OR3A2: variants seen among roughly 807,000 people sequenced by gnomAD.
OR3A2 encodes olfactory receptor family 3 subfamily A member 2.
For synonymous variants in OR3A2, 126 were observed against 159.3 expected (o/e 0.79, Z 1.57); for missense variants, 318 against 392.8 (o/e 0.81, Z 1.61).
chr17:3,364,454 C>T (rs2049546150), intron 2 of OR3A2, among the ~76,000 whole-genome samples: 2 of 152,172 alleles, frequency 1.3e-5, no homozygotes. Context: ...TTCCTCCTAA[C>T]TGAAATCTTG....
chr17:3,349,449 T>C (rs2150652729), intron 2 of OR3A2, among the ~76,000 whole-genome samples: 1 of 151,852 alleles, frequency 6.6e-6, no homozygotes, highest in African/African-American at 2.4e-5. Flanking sequence ...CATTACATAA[T>C]GGTAAAGGGA....
chr17:3,284,612 C>G (rs2048796277), upstream of OR3A2: 1 of 149,122 alleles, frequency 6.7e-6, no homozygotes, highest in East Asian at 1.9e-4. Flanking sequence ...GCCCTTCATA[C>G]TCATGGCAAC....
intron 3 of OR3A2, among the ~76,000 whole-genome samples, chr17:3,316,933 TTTG>T: frequency 6.6e-6 from 1 of 152,214 alleles, no homozygotes; most frequent in Non-Finnish European, 1.5e-5. Context: ...CTGTTCAAGT[TTTG>T]ATTCTTTATC....
intron 3 of OR3A2, among the ~76,000 whole-genome samples, chr17:3,294,643 C>A (rs1447946575): frequency 1.3e-5 from 2 of 152,024 alleles, no homozygotes; most frequent in Non-Finnish European, 2.9e-5. Flanking sequence ...TGGAGTATCA[C>A]TGAATATCAA....
chr17:3,283,026 CTT>C (rs1346210245), intron 1 of OR3A2, among the ~76,000 whole-genome samples: 6 of 144,202 alleles, frequency 4.2e-5, no homozygotes, highest in Non-Finnish European at 7.5e-5. Flanking sequence ...TCTTCTGTCT[CTT>C]TCTCTCTCTC....
intron 3 of OR3A2, among the ~76,000 whole-genome samples, chr17:3,304,140 G>T (rs1250086702): frequency 1.3e-5 from 2 of 152,180 alleles, no homozygotes; most frequent in East Asian, 3.9e-4. Context: ...CACAACCTGT[G>T]TGATGGCTGG....
upstream of OR3A2, among the ~76,000 whole-genome samples, chr17:3,288,887 T>A (rs2048838743): frequency 6.6e-6 from 1 of 152,198 alleles, no homozygotes. Context: ...TAAATACTAA[T>A]CTCAGTATTA....
intron 2 of OR3A2, among the ~76,000 whole-genome samples, chr17:3,380,173 G>C (rs540713128): frequency 2.8e-4 from 42 of 152,338 alleles, no homozygotes; most frequent in African/African-American, 1.0e-3. Flanking sequence ...TGGGTGAGCT[G>C]TGGAGGGCAG....
At chr17:3,297,314 A>G (rs1163324950) in intron 3 of OR3A2, among the ~76,000 whole-genome samples, 1 of 152,224 alleles carries the variant, frequency 6.6e-6, no homozygotes, top group Non-Finnish European at 1.5e-5. Context: ...ATTCCCTTAC[A>G]TATTAAGTAA....
At chr17:3,343,076 T>C (rs1444413217) in intron 2 of OR3A2, among the ~76,000 whole-genome samples, 1 of 152,196 alleles carries the variant, frequency 6.6e-6, no homozygotes, top group East Asian at 1.9e-4. Flanking sequence ...GCACGGGATA[T>C]AATCTCCTGG....
intron 3 of OR3A2, among the ~76,000 whole-genome samples, chr17:3,293,242 G>A (rs573018436): frequency 1.6e-4 from 25 of 151,826 alleles, no homozygotes; most frequent in African/African-American, 5.6e-4. Context: ...ATGGTGTAAA[G>A]TATGGCACCA....
intron 3 of OR3A2, among the ~76,000 whole-genome samples, chr17:3,328,952 G>C (rs2049203303): frequency 6.6e-6 from 1 of 151,498 alleles, no homozygotes; most frequent in African/African-American, 2.4e-5. Context: ...GGCCTTTTCT[G>C]CATCTATTGA....
intron 3 of OR3A2, among the ~76,000 whole-genome samples, chr17:3,290,684 T>A (rs2048857530): frequency 6.6e-6 from 1 of 152,154 alleles, no homozygotes; most frequent in African/African-American, 2.4e-5. Context: ...CTGGTTTAAC[T>A]TCAAGCAAGT....
intron 3 of OR3A2, among the ~76,000 whole-genome samples, chr17:3,323,298 T>C (rs1036250057): frequency 6.6e-6 from 1 of 152,192 alleles, no homozygotes; most frequent in African/African-American, 2.4e-5. Flanking sequence ...TAATGGGTCT[T>C]GACTCTTTAT....
intron 3 of OR3A2, among the ~76,000 whole-genome samples, chr17:3,321,809 A>G (rs2049125058): frequency 6.6e-6 from 1 of 152,080 alleles, no homozygotes; most frequent in Admixed American, 6.6e-5. Context: ...TTTTTGCATC[A>G]ATGTTCATCA....
At chr17:3,291,967 C>T (rs1296737068) in intron 3 of OR3A2, 13 of 1,614,054 alleles carry the variant, frequency 8.1e-6, no homozygotes, top group Non-Finnish European at 1.1e-5. Context: ...ATTATAAAAC[C>T]CACAGCAAAA....
In OR3A2 at chr17:3,334,002, A is replaced by G. The variant is rs575587557; in HGVS notation, c.-85+2031T>C. On this transcript the variant is annotated intron_variant, in intron 3 of 4. Transcript: ENST00000573491. The stretch of plus-strand genomic sequence containing the variant: ...TCATGCCGCCAAAAACATATGAAAA[A>G]AAGCTCAACATCACTGATCATTAGA... Among the ~76,000 whole-genome samples, 243 of 152,356 alleles carry G rather than the reference A, an allele frequency of 1.6e-3. 1 individual carries two copies. The highest frequency in any genetic ancestry group is 4.6e-3 in the Admixed American group (70 of 15,308).
At chr17:3,385,305 T>C (rs1597368323) in intron 1 of OR3A2, among the ~76,000 whole-genome samples, 1 of 152,362 alleles carries the variant, frequency 6.6e-6, no homozygotes, top group East Asian at 1.9e-4. Context: ...AAATTTAGAC[T>C]GGTACTCAAA....
intron 3 of OR3A2, chr17:3,292,105 G>A: frequency 6.2e-6 from 10 of 1,614,230 alleles, no homozygotes; most frequent in Non-Finnish European, 8.5e-6. Flanking sequence ...GTGTGGGTCA[G>A]TGCGTTGGTG....
Sources: allele counts gnomAD v4.1 joint callset (sites outside exome capture counted in the v4.1 genomes callset), GRCh38; gene constraint gnomAD v4.1.1; transcripts MANE v1.5; gene names NCBI Gene and HGNC (gene_info 2026-07-23, HGNC 2026-07-21).